PACRG: variants seen among roughly 807,000 people sequenced by gnomAD.
PACRG encodes parkin coregulated gene protein.
Under a neutral mutation model 29.7 loss-of-function variants are expected in PACRG, and 29 were observed. The observed-to-expected ratio is 0.98, with a 90% confidence interval of 0.73 to 1.33. PACRG has a LOEUF of 1.33. PACRG is among the 40% of genes most tolerant of loss of function. The pLI, the probability that PACRG is intolerant of heterozygous loss-of-function variation, is 0.00. For missense variants in PACRG, 279 were observed against 316.2 expected (o/e 0.88, Z 0.89); for synonymous variants, 116 against 118.7 (o/e 0.98, Z 0.15).
chr6:163,065,853 A>G (rs985246460), intron 3 of PACRG, among the ~76,000 whole-genome samples: 11 of 152,246 alleles, frequency 7.2e-5, no homozygotes, highest in Non-Finnish European at 1.2e-4. Context: ...TCAACTGCAC[A>G]AGATCAATTA....
intron 4 of PACRG, among the ~76,000 whole-genome samples, chr6:163,299,693 A>G (rs1003278851): frequency 2.0e-5 from 3 of 152,192 alleles, no homozygotes; most frequent in Non-Finnish European, 4.4e-5. Flanking sequence ...AGCCTGGCCA[A>G]CATAGTGAAA....
intron 4 of PACRG, among the ~76,000 whole-genome samples, chr6:163,280,850 C>T (rs1252685515): frequency 2.0e-5 from 3 of 152,158 alleles, no homozygotes; most frequent in Non-Finnish European, 4.4e-5. Flanking sequence ...TCTCCAGATA[C>T]AGCCACACTG....
At chr6:163,300,942 C>CAT (rs1562367254) in intron 4 of PACRG, among the ~76,000 whole-genome samples, 5 of 110,432 alleles carry the variant, frequency 4.5e-5, no homozygotes, top group South Asian at 6.4e-4. Context: ...CACTGCTTCC[C>CAT]GTGAGTTTAG....
chr6:163,154,140 G>A (rs1277391406), intron 4 of PACRG, among the ~76,000 whole-genome samples: 1 of 152,200 alleles, frequency 6.6e-6, no homozygotes, highest in Non-Finnish European at 1.5e-5. Flanking sequence ...CCAGAATTGG[G>A]GTGCCCTTAA....
chr6:162,818,143 A>G (rs895540920), intron 2 of PACRG, among the ~76,000 whole-genome samples: 5 of 152,220 alleles, frequency 3.3e-5, no homozygotes, highest in Non-Finnish European at 5.9e-5. Flanking sequence ...TTCTTTTGCT[A>G]CATTTTCCTT....
intron 2 of PACRG, among the ~76,000 whole-genome samples, chr6:162,851,264 C>T (rs968223890): frequency 6.6e-6 from 1 of 152,156 alleles, no homozygotes; most frequent in African/African-American, 2.4e-5. Context: ...GTCTCCTTGC[C>T]TCCCTTCTGC....
rs539458782 is a variant in PACRG, at chr6:163,263,221, C to T, written c.614-51606C>T. Among the ~76,000 whole-genome samples, 49 of 151,338 alleles carry T rather than the reference C, an allele frequency of 3.2e-4. 1 individual carries two copies. The South Asian group carries it at 9.9e-3, about 31-fold the overall frequency. On this transcript the variant is annotated intron_variant, in intron 4 of 4. Transcript: ENST00000366888. ...GTCGTCATGCCAAGGGGCTGAGAAC[C>T]CTTCCCTTCCCATCCCGAGAGCCCA...
At chr6:162,938,035 T>C (rs563751675) in intron 2 of PACRG, among the ~76,000 whole-genome samples, 6 of 152,302 alleles carry the variant, frequency 3.9e-5, no homozygotes, top group Admixed American at 2.6e-4. Flanking sequence ...TATAGACTTT[T>C]ATCCCTCACC....
chr6:162,969,949 T>A (rs375695894), intron 2 of PACRG, among the ~76,000 whole-genome samples: 1 of 152,192 alleles, frequency 6.6e-6, no homozygotes, highest in East Asian at 1.9e-4. Context: ...GAAGCTGGCT[T>A]ACACACAGCA....
chr6:162,758,851 A>AT (rs368950884), intron 1 of PACRG, among the ~76,000 whole-genome samples: 1 of 152,182 alleles, frequency 6.6e-6, no homozygotes, highest in Admixed American at 6.5e-5. Context: ...AAAATAAGCC[A>AT]TTTTTTTGAA....
intron 4 of PACRG, among the ~76,000 whole-genome samples, chr6:163,276,360 A>G (rs934062328): frequency 6.6e-6 from 1 of 152,202 alleles, no homozygotes; most frequent in Non-Finnish European, 1.5e-5. Flanking sequence ...ATCATGAAAC[A>G]GCACAAGGTA....
chr6:162,899,873 G>A lies in PACRG; in HGVS notation c.291+85592G>A, dbSNP rs574504067. Reference sequence around the variant, plus strand: ...CTTACAGGAGAGGAAACTGAAGCTGGAAATGAAATAACCTGTTCCAGGTCT... The same window carrying A: ...CTTACAGGAGAGGAAACTGAAGCTGAAAATGAAATAACCTGTTCCAGGTCT... On this transcript the variant is annotated intron_variant, in intron 2 of 4. Transcript: ENST00000366888. 2.6e-5 allele frequency among the ~76,000 whole-genome samples: 4 copies of A among 152,296 alleles called. No homozygotes were observed. The South Asian group carries it at 8.3e-4, about 32-fold the overall frequency.
intron 3 of PACRG, among the ~76,000 whole-genome samples, chr6:163,080,465 G>A (rs189936142): frequency 1.3e-5 from 2 of 151,946 alleles, no homozygotes; most frequent in Admixed American, 6.5e-5. Context: ...GGCCCAACCT[G>A]GGCAACAAGA....
chr6:163,285,324 C>A (rs775294729), intron 4 of PACRG, among the ~76,000 whole-genome samples: 2 of 152,108 alleles, frequency 1.3e-5, no homozygotes, highest in African/African-American at 4.8e-5. Flanking sequence ...TCGTCCCTCC[C>A]GCTTCCCCTG....
At chr6:162,731,995 AG>A (rs1779805258) in intron 1 of PACRG, among the ~76,000 whole-genome samples, 1 of 152,096 alleles carries the variant, frequency 6.6e-6, no homozygotes, top group Non-Finnish European at 1.5e-5. Context: ...ACCTGAGACA[AG>A]GGGGGCTCGA....
chr6:162,947,619 T>TATATATATATATATATATATAATC (rs1799304514), intron 2 of PACRG, among the ~76,000 whole-genome samples: 1 of 47,314 alleles, frequency 2.1e-5, no homozygotes, highest in African/African-American at 8.0e-5. Context: ...ATCATATATA[T>TATATATATATATATATATATAATC]ATATATATAT....
At chr6:163,082,991 C>A (rs1478831984) in intron 3 of PACRG, among the ~76,000 whole-genome samples, 1 of 152,130 alleles carries the variant, frequency 6.6e-6, no homozygotes, top group African/African-American at 2.4e-5. Flanking sequence ...AGGTTTATTG[C>A]CAAACTGCTC....
intron 2 of PACRG, among the ~76,000 whole-genome samples, chr6:163,046,058 T>G (rs1243259106): frequency 3.3e-5 from 5 of 152,054 alleles, no homozygotes; most frequent in Admixed American, 3.3e-4. Flanking sequence ...AGACTCAGCC[T>G]GCAGAGAGGG....
chr6:163,094,275 A>C (rs1814373243), intron 4 of PACRG, among the ~76,000 whole-genome samples: 1 of 152,240 alleles, frequency 6.6e-6, no homozygotes, highest in African/African-American at 2.4e-5. Context: ...AATTCTGAAC[A>C]ATTCTGCGTT....
Sources: gnomAD v4.1 joint callset for allele counts (sites outside exome capture counted in the v4.1 genomes callset) on GRCh38, gnomAD v4.1.1 for gene constraint, MANE v1.5 for transcripts, NCBI Gene and HGNC (gene_info 2026-07-23, HGNC 2026-07-21) for gene names.